Variants in CDKL5 observed in about 807,000 individuals in gnomAD.
CDKL5 encodes cyclin-dependent kinase-like 5.
Under a neutral mutation model 61.7 loss-of-function variants are expected in CDKL5, and 8 were observed. The observed-to-expected ratio is 0.13, with a 90% CI of 0.08 to 0.23. The LOEUF is 0.23. CDKL5 is among the 10% of genes least tolerant of loss of function. The pLI is 1.00. For missense variants in CDKL5, 440 were observed against 734.5 expected (o/e 0.60, Z 4.63); for synonymous variants, 275 against 272.3 (o/e 1.01, Z -0.10).
At chrX:18,580,499 G>A (rs866143710) in intron 6 of CDKL5, among the ~76,000 whole-genome samples, 3 of 111,347 alleles carry the variant, frequency 2.7e-5, no homozygotes, top group African/African-American at 6.5e-5. Flanking sequence ...AAAAGTGCCC[G>A]TTGTCTGCAG....
At chrX:18,643,319 C>T (rs1049055459), downstream of CDKL5, among the ~76,000 whole-genome samples, 2 of 111,411 alleles carry the variant, frequency 1.8e-5, no homozygotes, top group East Asian at 2.8e-4. Context: ...ATCCACAAAA[C>T]GGGAAGGGCC....
chrX:18,459,383 C>T (rs1017570438), intron 1 of CDKL5, among the ~76,000 whole-genome samples: 4 of 109,485 alleles, frequency 3.7e-5, no homozygotes, highest in Non-Finnish European at 1.9e-5. Flanking sequence ...CATGGCAAAA[C>T]CCCGTCTCTA....
At chrX:18,601,261 A>G (rs760308331) in intron 11 of CDKL5, among the ~76,000 whole-genome samples, 39 of 111,940 alleles carry the variant, frequency 3.5e-4, no homozygotes, top group African/African-American at 1.2e-3. Context: ...ACACGGTGCA[A>G]TGGTGCATCA....
At chrX:18,606,478 G>T (rs1926371045) in intron 12 of CDKL5, among the ~76,000 whole-genome samples, 1 of 112,305 alleles carries the variant, frequency 8.9e-6, no homozygotes, top group South Asian at 3.7e-4. Context: ...AAGTGTGTGG[G>T]CTGGCAGGGG....
chrX:18,510,177 A>T (rs953169003), intron 2 of CDKL5, among the ~76,000 whole-genome samples: 2 of 110,929 alleles, frequency 1.8e-5, no homozygotes, highest in Admixed American at 1.9e-4. Flanking sequence ...TGTTTTCGAG[A>T]TGGAGTCTTG....
intron 1 of CDKL5, among the ~76,000 whole-genome samples, chrX:18,428,940 C>A (rs2147613248): frequency 9.0e-6 from 1 of 111,351 alleles, no homozygotes; most frequent in South Asian, 3.7e-4. Flanking sequence ...TGTTAGAAAT[C>A]TTTTGTTGGT....
At chrX:18,521,280 C>T (rs1923234889) in intron 3 of CDKL5, among the ~76,000 whole-genome samples, 1 of 112,166 alleles carries the variant, frequency 8.9e-6, no homozygotes, top group Non-Finnish European at 1.9e-5. Context: ...GATTCCTTAT[C>T]AGATATATGG....
chrX:18,478,803 C>G (rs1256537322), intron 1 of CDKL5, among the ~76,000 whole-genome samples: 1 of 108,062 alleles, frequency 9.3e-6, no homozygotes, highest in African/African-American at 3.4e-5. Context: ...CTCTCCCTCT[C>G]GGGTTCAAGT....
chrX:18,651,126 C>T (rs866314165), intron 21 of CDKL5, among the ~76,000 whole-genome samples: 2 of 103,860 alleles, frequency 1.9e-5, no homozygotes, highest in Admixed American at 2.1e-4. Context: ...CCCGTCCCCC[C>T]ACCACCGCAC....
intron 1 of CDKL5, among the ~76,000 whole-genome samples, chrX:18,492,792 C>T (rs993585816): frequency 2.1e-4 from 23 of 112,139 alleles, no homozygotes; most frequent in South Asian, 1.1e-3. Context: ...TGATGTCTCC[C>T]GTTCCAGGTA....
intron 3 of CDKL5, among the ~76,000 whole-genome samples, chrX:18,518,833 C>T (rs766372925): frequency 2.7e-5 from 3 of 109,585 alleles, no homozygotes; most frequent in African/African-American, 1.0e-4. Flanking sequence ...TCCATTGAAG[C>T]CTGCCTTAGG....
intron 1 of CDKL5, among the ~76,000 whole-genome samples, chrX:18,493,048 G>C (rs1437691528): frequency 1.8e-5 from 2 of 111,027 alleles, no homozygotes; most frequent in Non-Finnish European, 3.8e-5. Flanking sequence ...GTGTCACCCT[G>C]TTCCCTCCTG....
chrX:18,624,784 A>G (rs1028467783), intron 16 of CDKL5, among the ~76,000 whole-genome samples: 1 of 112,059 alleles, frequency 8.9e-6, no homozygotes, highest in Non-Finnish European at 1.9e-5. Flanking sequence ...GCAATATGGA[A>G]TGAGGATACG....
chrX:18,633,128 A>T lies in CDKL5; in HGVS notation c.*4371A>T, dbSNP rs1041473505. 5 of 752,350 alleles carry T rather than the reference A, an allele frequency of 6.6e-6. No individual in the cohort carries two copies. In the African/African-American group the frequency reaches 9.3e-5, roughly 14 times the overall value. The allele number at this position is 752,350 out of a possible 1,213,427, so 62.0% of individuals were successfully genotyped here. ...GGTCAGAACATGTTTCCTGGAGAGC[A>T]TTGCTTTTCTATCTAGAAGTTCGTT... On this transcript the variant is annotated 3_prime_UTR_variant, in exon 18 of 18. Transcript: ENST00000623535.
Position 18,445,796 on chromosome X carries a change from G to A in CDKL5, c.-163+20101G>A, listed in dbSNP as rs1013051661. 6.3e-5 allele frequency among the ~76,000 whole-genome samples: 7 copies of A among 111,071 alleles called. No individual in the cohort carries two copies. In the East Asian group the frequency reaches 2.0e-3, roughly 32 times the overall value. On this transcript the variant is annotated intron_variant, in intron 1 of 17. Transcript: ENST00000623535. ...GGCCTCCCCAGCCATACGGAACTGG[G>A]GGTCAATTCAACCTTTTTCCTTTAT...
intron 1 of CDKL5, among the ~76,000 whole-genome samples, chrX:18,495,846 A>G (rs138439014): frequency 5.4e-5 from 6 of 111,331 alleles, no homozygotes; most frequent in Non-Finnish European, 9.4e-5. Context: ...CCCCTTCCCA[A>G]CTGCCATAAC....
At chrX:18,555,202 G>A (rs765419558) in intron 3 of CDKL5, among the ~76,000 whole-genome samples, 1 of 110,670 alleles carries the variant, frequency 9.0e-6, no homozygotes, top group African/African-American at 3.3e-5. Context: ...CTACTCACTC[G>A]ATCCCAGTAG....
rs200333632 is a variant in CDKL5 at position 18,613,156 on chromosome X, A to G, written c.2157A>G (p.Pro719=). 1.7e-5 allele frequency: 20 copies of G among 1,181,452 alleles called. No individual in the cohort carries two copies. The highest frequency in any genetic ancestry group is 2.2e-5 in the Admixed American group (1 of 44,703). ...ACTTACTTTTTCTTTATTCAGTGCCATCTCCACGTCCAGACAATTCTTTCC... is the reference window on the plus strand; with the variant it reads ...ACTTACTTTTTCTTTATTCAGTGCCGTCTCCACGTCCAGACAATTCTTTCC... The part of the protein sequence containing the change: ...PRRVGSFYRV[P]SPRPDNSFHE... Residue 719 remains proline, a synonymous_variant, in exon 15 of 18, where the codon CCA becomes CCG. Coordinates refer to ENST00000623535, the MANE Select transcript of CDKL5 (RefSeq NM_001323289.2).
chrX:18,470,088 G>C (rs981665341), intron 1 of CDKL5, among the ~76,000 whole-genome samples: 5 of 111,489 alleles, frequency 4.5e-5, no homozygotes, highest in Admixed American at 1.9e-4. Flanking sequence ...TGTAATCCCA[G>C]CACTTTGGGA....
Sources: allele counts gnomAD v4.1 joint callset (sites outside exome capture counted in the v4.1 genomes callset), GRCh38; gene constraint gnomAD v4.1.1; transcripts MANE v1.5; gene names NCBI Gene and HGNC (gene_info 2026-07-23, HGNC 2026-07-21).